Variants in ATP6V0D1 observed in about 807,000 individuals in gnomAD.
ATP6V0D1 encodes the protein V-type proton ATPase subunit d 1.
In ATP6V0D1, 13 loss-of-function variants were observed where a neutral mutation model predicts 39.0. The ratio of observed to expected loss-of-function variants is 0.33; its 90% confidence interval spans 0.22 to 0.53. The LOEUF (loss-of-function observed/expected upper bound fraction) is 0.53. Ranked by LOEUF, ATP6V0D1 falls within the 20% of genes least tolerant of loss-of-function variation. ATP6V0D1 has a pLI of 0.94. For missense variants in ATP6V0D1, 272 were observed against 470.9 expected (o/e 0.58, Z 3.91); for synonymous variants, 191 against 191.2 (o/e 1.00, Z 0.01).
intron 1 of ATP6V0D1, chr16:67,455,324 C>T (rs1298175301): frequency 2.0e-5 from 3 of 152,214 alleles, no homozygotes; most frequent in African/African-American, 7.2e-5. Flanking sequence ...TGATGCCCCT[C>T]CTGCTGTACT....
At chr16:67,459,818 AG>A (rs1348022608) in intron 1 of ATP6V0D1, among the ~76,000 whole-genome samples, 1 of 152,202 alleles carries the variant, frequency 6.6e-6, no homozygotes, top group Non-Finnish European at 1.5e-5. Flanking sequence ...GGCCCGTGCC[AG>A]GGGGTTGGTC....
chr16:67,448,601 A>T (rs969728950), intron 2 of ATP6V0D1, among the ~76,000 whole-genome samples: 63 of 148,386 alleles, frequency 4.2e-4, no homozygotes, highest in African/African-American at 1.6e-3. Flanking sequence ...CGGAGCTTGC[A>T]GTGAGCCGAG....
intron 1 of ATP6V0D1, among the ~76,000 whole-genome samples, chr16:67,462,975 GCTCA>G (rs1235545757): frequency 6.6e-6 from 1 of 152,200 alleles, no homozygotes; most frequent in African/African-American, 2.4e-5. Context: ...GAAAGTTGGG[GCTCA>G]CTCAGTTGGA....
At chr16:67,478,179 G>T (rs1338323773) in intron 1 of ATP6V0D1, among the ~76,000 whole-genome samples, 2 of 152,182 alleles carry the variant, frequency 1.3e-5, no homozygotes, top group African/African-American at 2.4e-5. Flanking sequence ...AGGCCCGGAG[G>T]TGTTAAATAG....
intron 1 of ATP6V0D1, among the ~76,000 whole-genome samples, chr16:67,473,054 C>A (rs2041386833): frequency 6.6e-6 from 1 of 152,164 alleles, no homozygotes; most frequent in Non-Finnish European, 1.5e-5. Context: ...CAGCCCAATG[C>A]ATCTATCCAG....
chr16:67,438,461 GCACACACACGCGCACACA>G lies in ATP6V0D1; in HGVS notation c.*49_*66del. On this transcript the variant is annotated 3_prime_UTR_variant, in exon 8 of 8. Transcript: ENST00000290949. ...TGTCACAGACCACATACACACACAC[GCACACACACGCGCACACA>G]CACACACACACACACAAAGAGTGCA... The G allele has an allele frequency of 2.0e-6, 3 of 1,536,484 alleles. No individual in the cohort carries two copies. Among genetic ancestry groups the G allele is most frequent in the African/African-American group, 2.7e-5 (2 of 72,802 alleles).
intron 1 of ATP6V0D1, among the ~76,000 whole-genome samples, chr16:67,470,118 T>C (rs1240782756): frequency 6.6e-6 from 1 of 152,194 alleles, no homozygotes; most frequent in African/African-American, 2.4e-5. Context: ...GGATATTCCA[T>C]TGGTTCTAAT....
At chr16:67,466,375 A>G (rs2041330962) in intron 1 of ATP6V0D1, among the ~76,000 whole-genome samples, 1 of 147,258 alleles carries the variant, frequency 6.8e-6, no homozygotes, top group Non-Finnish European at 1.5e-5. Flanking sequence ...ACACACACAC[A>G]CAAAATTAGC....
At position 67,438,461 on chromosome 16, in the gene ATP6V0D1, G is replaced by GCA. The variant is rs982353109; in HGVS notation, c.*65_*66dup. The GCA allele has an allele frequency of 1.3e-6, 2 of 1,536,474 alleles. No homozygotes were observed. The highest frequency in any genetic ancestry group is 1.2e-5 in the South Asian group (1 of 82,704). On this transcript the variant is annotated 3_prime_UTR_variant, in exon 8 of 8. Transcript: ENST00000290949. ...TGTCACAGACCACATACACACACAC[G>GCA]CACACACACGCGCACACACACACAC...
In ATP6V0D1 at chr16:67,465,265, A is replaced by C. The variant is rs545197124; in HGVS notation, c.131-11550T>G. 2.0e-5 allele frequency among the ~76,000 whole-genome samples: 3 copies of C among 152,332 alleles called. No homozygotes were observed. The East Asian group carries it at 5.8e-4, about 29-fold the overall frequency. ...CGCCAGCCTGACCGTGTGGACCTGC[A>C]GTGCTTACATGGTGTTCAGGTGCCT... On this transcript the variant is annotated intron_variant, in intron 1 of 7. Transcript: ENST00000290949.
Position 67,438,707 on chromosome 16 carries a change from T to C in ATP6V0D1, c.895-18A>G. ...AGCTTTACCTGTGGACACGGGCAGA[T>C]GTGGTGTCCAGGTGGCCATGGCCAC... On this transcript the variant is annotated intron_variant, in intron 7 of 7. Transcript: ENST00000290949. 6.2e-7 allele frequency: 1 copy of C among 1,614,202 alleles called. No homozygotes were observed. Among genetic ancestry groups the C allele is most frequent in the Non-Finnish European group, 8.5e-7 (1 of 1,180,012 alleles).
At chr16:67,478,470 TG>T (rs1411864681) in intron 1 of ATP6V0D1, among the ~76,000 whole-genome samples, 1 of 152,006 alleles carries the variant, frequency 6.6e-6, no homozygotes, top group African/African-American at 2.4e-5. Context: ...AAAAATTAGC[TG>T]GGCATGGTGG....
At chr16:67,454,381 G>A (rs899562816) in intron 1 of ATP6V0D1, among the ~76,000 whole-genome samples, 6 of 152,248 alleles carry the variant, frequency 3.9e-5, no homozygotes, top group South Asian at 2.1e-4. Context: ...CAGAGTGGCC[G>A]GAGACAGGCA....
chr16:67,465,746 C>G (rs548548435), intron 1 of ATP6V0D1, among the ~76,000 whole-genome samples: 4 of 152,296 alleles, frequency 2.6e-5, no homozygotes, highest in African/African-American at 9.6e-5. Context: ...AGATAGGGCA[C>G]AGGGAGGTGA....
chr16:67,468,116 C>A (rs1363491280), intron 1 of ATP6V0D1, among the ~76,000 whole-genome samples: 1 of 152,110 alleles, frequency 6.6e-6, no homozygotes, highest in African/African-American at 2.4e-5. Context: ...CATAGTGAGA[C>A]CCTGTCTCCA....
intron 1 of ATP6V0D1, chr16:67,455,432 T>G (rs557594937): frequency 6.6e-6 from 1 of 152,328 alleles, no homozygotes; most frequent in East Asian, 1.9e-4. Context: ...AATAGATGCC[T>G]TCCACCTGCA....
chr16:67,453,685 T>C lies in ATP6V0D1; in HGVS notation c.161A>G (p.Tyr54Cys), dbSNP rs1188030243. The C allele has an allele frequency of 2.5e-6, 4 of 1,613,958 alleles. No individual in the cohort carries two copies. The African/African-American group carries it at 4.0e-5, about 16-fold the overall frequency. The part of the protein sequence containing the change: ...DLKLHLQSTD[Y>C]GNFLANEASP... ...TGCCTCGTTGGCCAGGAAGTTACCA[T>C]AATCAGTGCTCTGCAGATGCAGTTT... The change falls in exon 2 of 8, where the codon TAT becomes TGT. Residue 54 changes from tyrosine to cysteine, a missense_variant. By Grantham distance (194) the Tyr-to-Cys change is radical. Around this residue, in one of 4 missense-constraint regions of ATP6V0D1, gnomAD observed 81 missense variants for 96.0 expected, o/e 0.84. Transcript: ENST00000290949. This position sits in a 1 kb window ranked among gnomAD's most constrained non-coding sequence, Gnocchi z 4.1.
At chr16:67,442,447 C>T (rs1195402711) in intron 4 of ATP6V0D1, among the ~76,000 whole-genome samples, 1 of 143,844 alleles carries the variant, frequency 7.0e-6, no homozygotes, top group African/African-American at 2.9e-5. Context: ...TAACTGGTCT[C>T]GGGCTTTTTT....
intron 1 of ATP6V0D1, among the ~76,000 whole-genome samples, chr16:67,476,016 G>C (rs2041411646): frequency 6.6e-6 from 1 of 152,142 alleles, no homozygotes; most frequent in Admixed American, 6.5e-5. Context: ...GATCACCTGA[G>C]GTCAGGAGTT....
Sources: allele counts gnomAD v4.1 joint callset (sites outside exome capture counted in the v4.1 genomes callset), GRCh38; gene constraint gnomAD v4.1.1; regional missense constraint gnomAD v4.1.1; non-coding constraint Gnocchi (gnomAD v3.1); transcripts MANE v1.5; gene names NCBI Gene and HGNC (gene_info 2026-07-23, HGNC 2026-07-21).